The following VDR variants were observed in gnomAD, a reference collection of about 807,000 sequenced individuals.
The protein encoded by VDR is vitamin D receptor.
A neutral mutation model predicts 39.7 loss-of-function variants in VDR; 19 were observed. The observed-to-expected ratio is 0.48, with a 90% CI of 0.33 to 0.70. The LOEUF (loss-of-function observed/expected upper bound fraction) is 0.70. Ranked by LOEUF, VDR falls within the 30% of genes least tolerant of loss-of-function variation. The probability of loss-of-function intolerance (pLI) is 0.02; values close to 1 mark genes in which losing one functional copy is unlikely to be tolerated. For missense variants in VDR, 442 were observed against 570.5 expected (o/e 0.77, Z 2.29); for synonymous variants, 242 against 215.8 (o/e 1.12, Z -1.07).
At chr12:47,898,729 C>G (rs2137249457) in intron 1 of VDR, 1 of 155,462 alleles carries the variant, frequency 6.4e-6, no homozygotes. Context: ...ATGGATGAAC[C>G]TCAGAAAACT....
chr12:47,871,151 A>C, intron 3 of VDR, among the ~76,000 whole-genome samples: 1 of 152,144 alleles, frequency 6.6e-6, no homozygotes, highest in East Asian at 1.9e-4. Flanking sequence ...CAGTAAAGCC[A>C]CTTCCAGGTA....
intron 4 of VDR, among the ~76,000 whole-genome samples, chr12:47,863,050 C>G (rs373374192): frequency 3.3e-5 from 5 of 152,208 alleles, no homozygotes; most frequent in East Asian, 1.9e-4. Context: ...CTGGGGTGGG[C>G]GTGGCTGAGG....
At chr12:47,894,445 C>T (rs1282496673) in intron 1 of VDR, among the ~76,000 whole-genome samples, 2 of 152,180 alleles carry the variant, frequency 1.3e-5, no homozygotes, top group Non-Finnish European at 2.9e-5. Flanking sequence ...TGGGCTGGGC[C>T]CCACTTGTTC....
intron 3 of VDR, among the ~76,000 whole-genome samples, chr12:47,873,539 T>G (rs1378201045): frequency 2.0e-5 from 3 of 150,744 alleles, no homozygotes; most frequent in Admixed American, 1.3e-4. Flanking sequence ...TTTTTTGTAT[T>G]TTTAGTAGAG....
chr12:47,854,699 C>G (rs1446827074), intron 7 of VDR, among the ~76,000 whole-genome samples: 1 of 152,262 alleles, frequency 6.6e-6, no homozygotes, highest in Non-Finnish European at 1.5e-5. Context: ...GCTCCAACAC[C>G]TGGAAGGGAT....
intron 1 of VDR, among the ~76,000 whole-genome samples, chr12:47,901,003 A>G (rs2137253923): frequency 6.6e-6 from 1 of 152,292 alleles, no homozygotes; most frequent in South Asian, 2.1e-4. Context: ...CAACTCACAG[A>G]GTACTGACTG....
At chr12:47,874,756 T>C (rs114920476) in intron 3 of VDR, among the ~76,000 whole-genome samples, 89 of 152,318 alleles carry the variant, frequency 5.8e-4, no homozygotes, top group African/African-American at 2.1e-3. Context: ...TCAAAGGGGT[T>C]CCTCTGATTT....
At chr12:47,879,521 G>C (rs1946097386) in intron 2 of VDR, among the ~76,000 whole-genome samples, 1 of 152,198 alleles carries the variant, frequency 6.6e-6, no homozygotes, top group African/African-American at 2.4e-5. Context: ...ACCTGAACCA[G>C]GTCAGGGGCT....
At position 47,849,070 on chromosome 12, in the gene VDR, C is replaced by T. The variant is rs143577546; in HGVS notation, c.756-2262G>A. On this transcript the variant is annotated intron_variant, in intron 7 of 9. Coordinates refer to ENST00000549336, the MANE Select transcript of VDR (RefSeq NM_000376.3). Reference sequence around the variant, plus strand: ...GAACAATGGCGAGGAAAAGGCAGGGCTCACAAATCAGCTTGCTTCTGGCTT... The same window carrying T: ...GAACAATGGCGAGGAAAAGGCAGGGTTCACAAATCAGCTTGCTTCTGGCTT... 2.6e-5 allele frequency among the ~76,000 whole-genome samples: 4 copies of T among 152,356 alleles called. No homozygotes were observed. In the East Asian group the frequency reaches 5.8e-4, roughly 22 times the overall value.
chr12:47,865,714 C>CTTT (rs34900299), intron 3 of VDR, among the ~76,000 whole-genome samples: 2 of 106,344 alleles, frequency 1.9e-5, no homozygotes, highest in African/African-American at 3.6e-5. Flanking sequence ...CACTCCGACT[C>CTTT]TTTTTTTTTT....
intron 1 of VDR, among the ~76,000 whole-genome samples, chr12:47,898,047 T>C (rs928445427): frequency 3.9e-5 from 6 of 152,282 alleles, no homozygotes; most frequent in Admixed American, 6.5e-5. Flanking sequence ...GACACCAGGC[T>C]CTTGGTTGAA....
intron 1 of VDR, among the ~76,000 whole-genome samples, chr12:47,894,936 G>T (rs995638533): frequency 1.3e-5 from 2 of 152,218 alleles, no homozygotes; most frequent in Non-Finnish European, 2.9e-5. Context: ...GAAGGCCCGC[G>T]GGAGCCAGGA....
chr12:47,888,552 G>A (rs1282422860), intron 1 of VDR, among the ~76,000 whole-genome samples: 1 of 152,146 alleles, frequency 6.6e-6, no homozygotes, highest in Non-Finnish European at 1.5e-5. Flanking sequence ...TGGAAACTCT[G>A]CCCTTAGCTT....
At chr12:47,900,400 A>G (rs1332857598) in intron 1 of VDR, among the ~76,000 whole-genome samples, 1 of 152,202 alleles carries the variant, frequency 6.6e-6, no homozygotes, top group African/African-American at 2.4e-5. Context: ...CATCCCATGA[A>G]TGCAGAGGTG....
chr12:47,882,554 C>G, intron 2 of VDR, 140 bp downstream of exon 2: 2 of 701,032 alleles, frequency 2.9e-6, no homozygotes, highest in Non-Finnish European at 4.8e-6. Context: ...GCAGACTCTG[C>G]TGGCCCGGGA....
chr12:47,852,081 G>A (rs1420008444), intron 7 of VDR, among the ~76,000 whole-genome samples: 1 of 152,212 alleles, frequency 6.6e-6, no homozygotes, highest in Non-Finnish European at 1.5e-5. Flanking sequence ...ATTGGAGGCT[G>A]GGGTTCCTTA....
intron 7 of VDR, among the ~76,000 whole-genome samples, chr12:47,852,633 A>T (rs1284531495): frequency 6.6e-6 from 1 of 152,238 alleles, no homozygotes; most frequent in Non-Finnish European, 1.5e-5. Flanking sequence ...TTTCACATTA[A>T]TTCCAGGGGA....
rs1945218413 is a variant in VDR, at chr12:47,843,889, A to G, written c.*857T>C. 1.4e-5 allele frequency: 2 copies of G among 147,734 alleles called. No homozygotes were observed. Among genetic ancestry groups the G allele is most frequent in the African/African-American group, 2.5e-5 (1 of 39,824 alleles). 9.2% of individuals were successfully genotyped at this position (147,734 alleles called of 1,614,324 possible). A position where few individuals can be genotyped will look rare whatever the true frequency, so the allele number is the denominator to read the frequency against. On this transcript the variant is annotated 3_prime_UTR_variant, in exon 10 of 10. Transcript: ENST00000549336. ...GGGGTGGGGGAGCAGGCTCTCGGCT[A>G]CTCTCGGTGATCCGAGGAGGACAGG...
At chr12:47,897,197 C>T (rs368748279) in intron 1 of VDR, among the ~76,000 whole-genome samples, 3 of 152,136 alleles carry the variant, frequency 2.0e-5, no homozygotes, top group South Asian at 2.1e-4. Context: ...TTACCAGCCT[C>T]GTAGGATTAT....
Sources: allele counts gnomAD v4.1 joint callset (sites outside exome capture counted in the v4.1 genomes callset), GRCh38; gene constraint gnomAD v4.1.1; transcripts MANE v1.5; gene names NCBI Gene and HGNC (gene_info 2026-07-23, HGNC 2026-07-21).